The following PLA2G4A variants were observed in gnomAD, a reference collection of about 807,000 sequenced individuals.
PLA2G4A encodes phospholipase A2 group IVA, also known as cytosolic phospholipase A2.
Under a neutral mutation model 81.9 loss-of-function variants are expected in PLA2G4A, and 40 were observed. The observed-to-expected ratio is 0.49, with a 90% CI of 0.38 to 0.64. The LOEUF (loss-of-function observed/expected upper bound fraction) is 0.64, where lower values mean the gene tolerates loss of function less well. Ranked by LOEUF, PLA2G4A falls within the 30% of genes least tolerant of loss-of-function variation. The probability of loss-of-function intolerance (pLI) is 0.00; values close to 1 mark genes in which losing one functional copy is unlikely to be tolerated. For synonymous variants in PLA2G4A, 302 were observed against 296.9 expected (o/e 1.02, Z -0.18); for missense variants, 715 against 905.1 (o/e 0.79, Z 2.69).
At chr1:186,895,006 A>G (rs761416139) in intron 5 of PLA2G4A, among the ~76,000 whole-genome samples, 24 of 152,118 alleles carry the variant, frequency 1.6e-4, no homozygotes, top group Non-Finnish European at 3.2e-4. Context: ...AAGTCCCTAC[A>G]TTCACCTCAA....
chr1:186,879,016 A>G (rs79149947), intron 3 of PLA2G4A, among the ~76,000 whole-genome samples: 11,483 of 151,892 alleles, frequency 0.076, 536 homozygotes, highest in African/African-American at 0.12. Flanking sequence ...ATTTTAGTAT[A>G]TCTTAATATT....
At chr1:186,880,577 A>T (rs1653693915) in intron 3 of PLA2G4A, among the ~76,000 whole-genome samples, 1 of 152,012 alleles carries the variant, frequency 6.6e-6, no homozygotes, top group Non-Finnish European at 1.5e-5. Flanking sequence ...GCAAAGAGTT[A>T]CCTGGCCCAA....
chr1:186,896,698 T>C (rs372647114), intron 5 of PLA2G4A, among the ~76,000 whole-genome samples: 1 of 152,372 alleles, frequency 6.6e-6, no homozygotes, highest in East Asian at 1.9e-4. Context: ...AAAAAGGCTT[T>C]CCACATTCCT....
intron 2 of PLA2G4A, among the ~76,000 whole-genome samples, chr1:186,859,889 A>G (rs1460605175): frequency 6.6e-6 from 1 of 152,086 alleles, no homozygotes; most frequent in African/African-American, 2.4e-5. Context: ...TATAAATAGT[A>G]AATTGTTATG....
chr1:186,867,895 T>G (rs58494780), intron 2 of PLA2G4A, among the ~76,000 whole-genome samples: 7,958 of 152,046 alleles, frequency 0.052, 686 homozygotes, highest in African/African-American at 0.18. Flanking sequence ...ACTGAAATTT[T>G]TTATTATTAT....
intron 7 of PLA2G4A, among the ~76,000 whole-genome samples, chr1:186,911,904 C>T (rs556507002): frequency 3.3e-5 from 5 of 152,222 alleles, no homozygotes; most frequent in Non-Finnish European, 7.4e-5. Context: ...GAGTAACTCC[C>T]AGTCAGAGGC....
At chr1:186,920,900 G>C (rs917823738) in intron 7 of PLA2G4A, among the ~76,000 whole-genome samples, 1 of 152,202 alleles carries the variant, frequency 6.6e-6, no homozygotes, top group African/African-American at 2.4e-5. Context: ...AACCCAGCCT[G>C]TTTCTGCAAT....
intron 5 of PLA2G4A, among the ~76,000 whole-genome samples, chr1:186,906,335 G>A (rs1205242696): frequency 6.6e-6 from 1 of 152,078 alleles, no homozygotes; most frequent in Non-Finnish European, 1.5e-5. Context: ...TTGTCTCTCT[G>A]GCAGGATGTC....
At chr1:186,936,679 T>C (rs996239375) in intron 8 of PLA2G4A, among the ~76,000 whole-genome samples, 47 of 152,048 alleles carry the variant, frequency 3.1e-4, no homozygotes, top group Middle Eastern at 3.4e-3. Flanking sequence ...GCTACTGATA[T>C]TTTAAAACAC....
intron 13 of PLA2G4A, among the ~76,000 whole-genome samples, chr1:186,952,985 T>C (rs2102248725): frequency 6.6e-6 from 1 of 152,324 alleles, no homozygotes; most frequent in Middle Eastern, 3.4e-3. Context: ...TGAAGTTTGC[T>C]TCCAAGTTTT....
intron 7 of PLA2G4A, among the ~76,000 whole-genome samples, chr1:186,921,852 T>G (rs2102180307): frequency 6.6e-6 from 1 of 152,166 alleles, no homozygotes; most frequent in South Asian, 2.1e-4. Flanking sequence ...TTGACCACTG[T>G]GGGGGGTCCA....
chr1:186,901,988 C>T (rs1002718457), intron 5 of PLA2G4A, among the ~76,000 whole-genome samples: 1 of 152,124 alleles, frequency 6.6e-6, no homozygotes, highest in Non-Finnish European at 1.5e-5. Context: ...GAAATGCATC[C>T]TTAGGTGACT....
At chr1:186,941,154 G>A (rs1177324674) in intron 10 of PLA2G4A, among the ~76,000 whole-genome samples, 1 of 151,780 alleles carries the variant, frequency 6.6e-6, no homozygotes, top group African/African-American at 2.4e-5. Flanking sequence ...TACTTTTGGG[G>A]GGGCCTCTGT....
chr1:186,980,809 C>A (rs930367376), intron 17 of PLA2G4A, among the ~76,000 whole-genome samples: 1 of 151,952 alleles, frequency 6.6e-6, no homozygotes, highest in Non-Finnish European at 1.5e-5. Flanking sequence ...CCCCAATAAG[C>A]CTTGATTCTT....
intron 2 of PLA2G4A, among the ~76,000 whole-genome samples, chr1:186,857,333 TA>T (rs1652617620): frequency 4.1e-5 from 5 of 121,930 alleles, no homozygotes; most frequent in Non-Finnish European, 8.1e-5. Flanking sequence ...AATATAAATA[TA>T]ATATTATATA....
At chr1:186,899,967 A>G (rs1654478974) in intron 5 of PLA2G4A, among the ~76,000 whole-genome samples, 1 of 152,166 alleles carries the variant, frequency 6.6e-6, no homozygotes, top group Non-Finnish European at 1.5e-5. Flanking sequence ...AATTACAGTG[A>G]ATTCAGCTCT....
At position 186,977,662 on chromosome 1, in the gene PLA2G4A, T is replaced by C; in HGVS notation, c.1834T>C (p.Phe612Leu). 6.2e-7 allele frequency: 1 copy of C among 1,613,626 alleles called. No homozygotes were observed. The highest frequency in any genetic ancestry group is 8.5e-7 in the Non-Finnish European group (1 of 1,179,526). Residue 612 changes from phenylalanine (F) to leucine (L), a missense_variant, in exon 16 of 18, where the codon TTT (phenylalanine) becomes CTT (leucine). Transcript: ENST00000367466. ...CTTTCCAAAGATTGATCCTTATGTGTTTGATCGGGAAGGGCTGAAGGAGTG... is the reference window on the plus strand; with the variant it reads ...CTTTCCAAAGATTGATCCTTATGTGCTTGATCGGGAAGGGCTGAAGGAGTG... ...LPFPKIDPYV[F>L]DREGLKECYV...
intron 1 of PLA2G4A, among the ~76,000 whole-genome samples, chr1:186,844,234 T>G (rs1301550079): frequency 3.3e-5 from 5 of 152,212 alleles, no homozygotes; most frequent in African/African-American, 4.8e-5. Context: ...ATAAAGCATC[T>G]CATTTACCCA....
At chr1:186,897,723 G>A (rs1654386464) in intron 5 of PLA2G4A, among the ~76,000 whole-genome samples, 1 of 152,062 alleles carries the variant, frequency 6.6e-6, no homozygotes, top group African/African-American at 2.4e-5. Flanking sequence ...TGGCCAGGCT[G>A]GTCTCAAACT....
Sources: allele counts gnomAD v4.1 joint callset (sites outside exome capture counted in the v4.1 genomes callset), GRCh38; gene constraint gnomAD v4.1.1; transcripts MANE v1.5; gene names NCBI Gene and HGNC (gene_info 2026-07-23, HGNC 2026-07-21).